BIN2: variants seen among roughly 807,000 people sequenced by gnomAD.
BIN2 encodes breast cancer associated protein BRAP1.
BIN2 carries 43 observed loss-of-function variants against 67.9 expected under a neutral mutation model. The ratio of observed to expected loss-of-function variants is 0.63; its 90% CI spans 0.50 to 0.82. BIN2 has a LOEUF of 0.82. Among genes scored for constraint, BIN2 ranks in the 40% least tolerant of loss-of-function variants. The probability of loss-of-function intolerance (pLI) is 0.00; values close to 1 mark genes in which losing one functional copy is unlikely to be tolerated. For missense variants in BIN2, 581 were observed against 671.6 expected, an observed-to-expected ratio of 0.87 and a Z score of 1.49; for synonymous variants, 244 against 246.8, an observed-to-expected ratio of 0.99 and a Z score of 0.11.
At chr12:51,284,013 G>GAA in intron 12 of BIN2, among the ~76,000 whole-genome samples, 2 of 140,328 alleles carry the variant, frequency 1.4e-5, no homozygotes, top group Non-Finnish European at 3.2e-5. Context: ...AAAAAGAAAA[G>GAA]AAAAATATTT....
chr12:51,282,624 C>T (rs760840361), intron 12 of BIN2, among the ~76,000 whole-genome samples: 21 of 152,154 alleles, frequency 1.4e-4, no homozygotes, highest in Non-Finnish European at 2.9e-4. Flanking sequence ...GAGACACAGT[C>T]TCACTCCATT....
rs370497809 is a variant in BIN2, at chr12:51,313,795, A to G, written c.162+28T>C. The stretch of plus-strand genomic sequence containing the variant: ...CCCTCGTGTCTCCTTTCTTCTTCCA[A>G]GCTTCCCTCCCCTACCCTCCAGATT... On this transcript the variant is annotated intron_variant, in intron 2 of 12. Coordinates refer to ENST00000615107, the MANE Select transcript of BIN2 (RefSeq NM_016293.4). 1.6e-5 allele frequency: 25 copies of G among 1,587,852 alleles called. No homozygotes were observed. In the Admixed American group the frequency reaches 3.2e-4, roughly 20 times the overall value.
At chr12:51,324,556 C>A (rs2137465150), upstream of BIN2, 1 of 1,520,484 alleles carries the variant, frequency 6.6e-7, no homozygotes, top group Non-Finnish European at 8.8e-7. Context: ...GCATGCGAAG[C>A]CGCCATGTAC....
At chr12:51,287,637 G>A (rs1163725664) in intron 11 of BIN2, among the ~76,000 whole-genome samples, 4 of 151,468 alleles carry the variant, frequency 2.6e-5, no homozygotes, top group Non-Finnish European at 4.4e-5. Context: ...CACTGCACCC[G>A]GCCTAGGAAA....
chr12:51,288,503 A>T (rs547395770), intron 10 of BIN2, among the ~76,000 whole-genome samples: 7 of 152,170 alleles, frequency 4.6e-5, no homozygotes, highest in African/African-American at 1.7e-4. Context: ...CATATCACTT[A>T]TCATTACTAG....
intron 1 of BIN2, among the ~76,000 whole-genome samples, chr12:51,314,799 C>CA (rs549900834): frequency 0.12 from 16,298 of 131,896 alleles, 933 homozygotes; most frequent in African/African-American, 0.16. Flanking sequence ...AACTCTGTCT[C>CA]AAAAAAAAAA....
chr12:51,300,049 G>A (rs569253231), intron 5 of BIN2, among the ~76,000 whole-genome samples: 2 of 152,074 alleles, frequency 1.3e-5, no homozygotes, highest in East Asian at 3.9e-4. Context: ...TCTTAGCCAG[G>A]CTGGTCTCGA....
rs1491019915 is a variant in BIN2, at chr12:51,299,092, GGC to G, written c.602+109_602+110del. 181 of 686,558 alleles carry G rather than the reference GGC, an allele frequency of 2.6e-4. 4 individuals carry two copies. The highest frequency in any genetic ancestry group is 8.7e-4 in the South Asian group (50 of 57,692). The allele number at this position is 686,558 out of a possible 1,614,324, so 42.5% of individuals were successfully genotyped here. On this transcript the variant is annotated intron_variant, in intron 7 of 12. Coordinates refer to ENST00000615107, the MANE Select transcript of BIN2 (RefSeq NM_016293.4). ...CCTGTCTCGAAAAAAAAAAAAAGGG[GGC>G]GGGGCAGTGTGGGAATTTAAATCTA... is the stretch of plus-strand genomic sequence containing the variant.
At chr12:51,323,334 T>C (rs945154332) in intron 1 of BIN2, 6 of 151,070 alleles carry the variant, frequency 4.0e-5, no homozygotes, top group African/African-American at 1.5e-4. Flanking sequence ...AAGCAAGTAA[T>C]AGATGGGCAG....
chr12:51,294,566 C>CAA (rs112987316), intron 9 of BIN2, among the ~76,000 whole-genome samples: 53 of 90,376 alleles, frequency 5.9e-4, no homozygotes, highest in African/African-American at 1.5e-3. Flanking sequence ...GACCCTGTCT[C>CAA]AAAAAAAAAA....
chr12:51,283,933 C>T (rs971058163), intron 12 of BIN2, among the ~76,000 whole-genome samples: 23 of 144,992 alleles, frequency 1.6e-4, no homozygotes, highest in Admixed American at 5.8e-4. Flanking sequence ...GCCAAGGCTG[C>T]GGTGAGCCGA....
At chr12:51,294,580 AC>A (rs886510449) in intron 9 of BIN2, among the ~76,000 whole-genome samples, 6 of 147,862 alleles carry the variant, frequency 4.1e-5, no homozygotes, top group African/African-American at 1.0e-4. Context: ...AAAAAAAAAA[AC>A]AAAAAAAACC....
rs1166851806 is a variant in BIN2 at position 51,292,253 on chromosome 12, A to G, written c.853T>C (p.Ser285Pro). ...ACAGATTCACTCTCACTCTTCAAGG[A>G]AAGTGTAGAGGGACTAGTAGGTGAG... ...LTSPTSPSTL[S>P]LKSESESVSA... Residue 285 changes from serine to proline, a missense_variant, in exon 10 of 13, where the codon TCC becomes CCC. Ser to Pro is a moderately conservative substitution (Grantham distance 74). Transcript: ENST00000615107. 2 of 1,604,440 alleles carry G rather than the reference A, an allele frequency of 1.2e-6. No homozygotes were observed. Among genetic ancestry groups the G allele is most frequent in the Non-Finnish European group, 1.7e-6 (2 of 1,179,986 alleles).
chr12:51,307,050 C>T (rs1945881032), intron 2 of BIN2, among the ~76,000 whole-genome samples: 2 of 151,856 alleles, frequency 1.3e-5, no homozygotes, highest in Non-Finnish European at 2.9e-5. Context: ...TTTGGGAGGC[C>T]GAGGCGGGCA....
intron 11 of BIN2, among the ~76,000 whole-genome samples, chr12:51,285,357 A>C (rs1042702247): frequency 6.6e-6 from 1 of 152,134 alleles, no homozygotes; most frequent in African/African-American, 2.4e-5. Context: ...AGGCAGGAGG[A>C]TCACTTGAGG....
chr12:51,319,987 C>T (rs1234895963), intron 1 of BIN2, among the ~76,000 whole-genome samples: 1 of 75,582 alleles, frequency 1.3e-5, no homozygotes, highest in Non-Finnish European at 3.0e-5. Flanking sequence ...TTCTCCCTCT[C>T]TTTCTTTCTT....
At position 51,291,621 on chromosome 12, in the gene BIN2, A is replaced by C. The variant is rs757700360; in HGVS notation, c.1485T>G (p.Leu495=). 2 of 1,610,002 alleles carry C rather than the reference A, an allele frequency of 1.2e-6. No homozygotes were observed. The highest frequency in any genetic ancestry group is 2.2e-5 in the South Asian group (2 of 90,902). Residue 495 remains leucine (L), a synonymous_variant, in exon 10 of 13, where the codon CTT becomes CTG. Transcript: ENST00000615107. The part of the protein sequence containing the change: ...ENIHNQNPEE[L]CTSPTLMTSQ... ...ATGTCATTAAGGTGGGGGAAGTACA[A>C]AGTTCTTCAGGGTTCTGATTGTGGA... is the stretch of plus-strand genomic sequence containing the variant.
intron 2 of BIN2, among the ~76,000 whole-genome samples, chr12:51,303,675 C>CTCTA (rs1945792635): frequency 6.6e-6 from 1 of 152,136 alleles, no homozygotes; most frequent in South Asian, 2.1e-4. Flanking sequence ...TCATCTATAG[C>CTCTA]TCTATCTATC....
At chr12:51,284,623 G>T in intron 12 of BIN2, 93 bp downstream of exon 12, 2 of 1,012,950 alleles carry the variant, frequency 2.0e-6, no homozygotes, top group South Asian at 1.3e-5. Context: ...TTCACTGCCG[G>T]ATTCCCCTTG....
Sources: allele counts gnomAD v4.1 joint callset (sites outside exome capture counted in the v4.1 genomes callset), GRCh38; gene constraint gnomAD v4.1.1; transcripts MANE v1.5; gene names NCBI Gene and HGNC (gene_info 2026-07-23, HGNC 2026-07-21).